The following SOX5 variants were observed in gnomAD, a reference collection of about 807,000 sequenced individuals.
The protein encoded by SOX5 is transcription factor SOX-5.
A neutral mutation model predicts 92.0 loss-of-function variants in SOX5; 9 were observed. The ratio of observed to expected loss-of-function variants is 0.10; its 90% CI spans 0.06 to 0.17. SOX5 has a LOEUF of 0.17. SOX5 is among the 10% of genes least tolerant of loss of function. The pLI is 1.00. For synonymous variants in SOX5, 344 were observed against 336.3 expected (o/e 1.02, Z -0.25); for missense variants, 642 against 944.5 (o/e 0.68, Z 4.20).
rs1945193383 is a variant in SOX5 at position 23,949,546 on chromosome 12, G to T, written c.38+18C>A. 1.2e-6 allele frequency: 2 copies of T among 1,613,174 alleles called. No homozygotes were observed. Among genetic ancestry groups the T allele is most frequent in the Non-Finnish European group, 1.7e-6 (2 of 1,179,260 alleles). ...AGAGTTGTACTTCAATATATTAGGG[G>T]GAAAAAACTGTACTCACCTTTCAAA... On this transcript the variant is annotated intron_variant, in intron 1 of 14. Coordinates refer to ENST00000451604, the MANE Select transcript of SOX5 (RefSeq NM_006940.6).
In SOX5 at chr12:23,767,221, CA is replaced by C. The variant is rs2094763355; in HGVS notation, c.482-11498del. Among the ~76,000 whole-genome samples, 7 of 116,556 alleles carry C rather than the reference CA, an allele frequency of 6.0e-5. No individual in the cohort carries two copies. In the East Asian group the frequency reaches 1.2e-3, roughly 20 times the overall value. 76.5% of individuals were successfully genotyped at this position (116,556 alleles called of 152,430 possible). On this transcript the variant is annotated intron_variant, in intron 3 of 14. Transcript: ENST00000451604. ...CTTGTCTCAAAAAAACAGAAACACA[CA>C]CACACACACACACACACACACACAC...
At chr12:23,574,178 C>T (rs1948781694) in intron 10 of SOX5, among the ~76,000 whole-genome samples, 1 of 151,734 alleles carries the variant, frequency 6.6e-6, no homozygotes, top group African/African-American at 2.4e-5. Context: ...TTCTTCACTC[C>T]ACTTCTTTTC....
At position 24,427,045 on chromosome 12, in the gene SOX5, G is replaced by A. The variant is rs180682827; in HGVS notation, c.-250-58406C>T. 1.8e-4 allele frequency among the ~76,000 whole-genome samples: 27 copies of A among 152,106 alleles called. No individual in the cohort carries two copies. The South Asian group carries it at 1.9e-3, about 11-fold the overall frequency. On this transcript the variant is annotated intron_variant, in intron 1 of 4. Coordinates refer to the SOX5 transcript ENST00000446891. ...AAATGCAATTATTTGTTTACATGCC[G>A]TCTCACTTGAGGAAGTCTCCTTGTG...
At chr12:24,507,799 A>G (rs1948939734) in intron 1 of SOX5, among the ~76,000 whole-genome samples, 1 of 152,184 alleles carries the variant, frequency 6.6e-6, no homozygotes, top group African/African-American at 2.4e-5. Context: ...AAATTAAAGG[A>G]GAGGATGATA....
chr12:23,982,486 G>A (rs1015770615), intron 4 of SOX5, among the ~76,000 whole-genome samples: 2 of 152,132 alleles, frequency 1.3e-5, no homozygotes, highest in Non-Finnish European at 2.9e-5. Flanking sequence ...AATAAAAAAT[G>A]TTCTGCTGGG....
At chr12:23,932,235 C>T (rs536238268) in intron 1 of SOX5, among the ~76,000 whole-genome samples, 9 of 151,626 alleles carry the variant, frequency 5.9e-5, no homozygotes, top group Non-Finnish European at 1.2e-4. Context: ...AAATCCAGAT[C>T]GTGAGACATT....
intron 4 of SOX5, among the ~76,000 whole-genome samples, chr12:23,985,966 G>C (rs1242614091): frequency 6.6e-6 from 1 of 152,060 alleles, no homozygotes; most frequent in Non-Finnish European, 1.5e-5. Context: ...TCTTTCTCAA[G>C]ATAACAACTC....
intron 3 of SOX5, among the ~76,000 whole-genome samples, chr12:23,838,850 G>GGGA (rs2096472744): frequency 9.6e-6 from 1 of 104,554 alleles, no homozygotes; most frequent in Non-Finnish European, 2.0e-5. Flanking sequence ...TTTTGGGGGG[G>GGGA]GGGGGCGGGG....
intron 6 of SOX5, among the ~76,000 whole-genome samples, chr12:23,679,210 A>G (rs571855934): frequency 6.6e-6 from 1 of 152,300 alleles, no homozygotes; most frequent in South Asian, 2.1e-4. Context: ...AAATGTAGAC[A>G]GCACTTAGAA....
intron 3 of SOX5, among the ~76,000 whole-genome samples, chr12:24,223,486 GC>G (rs1398312925): frequency 6.6e-6 from 1 of 152,180 alleles, no homozygotes; most frequent in African/African-American, 2.4e-5. Flanking sequence ...TGGCACAGTG[GC>G]TCACACCTGT....
chr12:23,634,777 A>C (rs1448630280), intron 8 of SOX5, among the ~76,000 whole-genome samples: 1 of 152,178 alleles, frequency 6.6e-6, no homozygotes, highest in Non-Finnish European at 1.5e-5. Context: ...TGATATTTGA[A>C]ATTCTGCTAT....
intron 11 of SOX5, among the ~76,000 whole-genome samples, chr12:23,561,146 A>G (rs1417308763): frequency 6.6e-6 from 1 of 152,188 alleles, no homozygotes; most frequent in Non-Finnish European, 1.5e-5. Flanking sequence ...CAGGTTTTGG[A>G]AGGTATTATT....
intron 5 of SOX5, among the ~76,000 whole-genome samples, chr12:23,737,347 TG>T (rs1487150186): frequency 1.3e-5 from 2 of 152,024 alleles, no homozygotes; most frequent in African/African-American, 4.8e-5. Context: ...GAGACCAGCC[TG>T]GCCAACATAG....
chr12:23,614,630 A>G (rs1169901322), intron 8 of SOX5, among the ~76,000 whole-genome samples: 1 of 152,200 alleles, frequency 6.6e-6, no homozygotes, highest in Non-Finnish European at 1.5e-5. Context: ...ACATTCCGGT[A>G]CAAGTTTTTG....
chr12:23,981,529 A>G (rs1012995575), intron 4 of SOX5, among the ~76,000 whole-genome samples: 2 of 152,116 alleles, frequency 1.3e-5, no homozygotes, highest in African/African-American at 4.8e-5. Context: ...TGTTTTATTT[A>G]TTGCATTTTT....
intron 1 of SOX5, among the ~76,000 whole-genome samples, chr12:24,490,273 T>C (rs1159305754): frequency 6.6e-6 from 1 of 152,248 alleles, no homozygotes; most frequent in African/African-American, 2.4e-5. Flanking sequence ...TTTGAACTTG[T>C]ACGGAGTTCT....
At chr12:24,021,857 A>G (rs983862062) in intron 4 of SOX5, among the ~76,000 whole-genome samples, 1 of 152,202 alleles carries the variant, frequency 6.6e-6, no homozygotes, top group East Asian at 1.9e-4. Flanking sequence ...TGTCACCTTC[A>G]TGTACTCTAC....
At chr12:23,711,870 A>C (rs186463641) in intron 6 of SOX5, among the ~76,000 whole-genome samples, 28 of 152,288 alleles carry the variant, frequency 1.8e-4, no homozygotes. Context: ...AGATGCTATT[A>C]ATATTTTCTT....
At chr12:24,416,831 C>T (rs1596434422) in intron 1 of SOX5, among the ~76,000 whole-genome samples, 1 of 152,148 alleles carries the variant, frequency 6.6e-6, no homozygotes, top group South Asian at 2.1e-4. Flanking sequence ...GGGCATGTTC[C>T]TTAGTCTCTA....
Sources: gnomAD v4.1 joint callset for allele counts (sites outside exome capture counted in the v4.1 genomes callset) on GRCh38, gnomAD v4.1.1 for gene constraint, MANE v1.5 for transcripts, NCBI Gene and HGNC (gene_info 2026-07-23, HGNC 2026-07-21) for gene names.